The following SGCZ variants were observed in gnomAD, a reference collection of about 807,000 sequenced individuals.
SGCZ encodes zeta-sarcoglycan.
SGCZ carries 40 observed loss-of-function variants against 41.3 expected under a neutral mutation model. The ratio of observed to expected loss-of-function variants is 0.97; its 90% CI spans 0.75 to 1.26. SGCZ has a LOEUF of 1.26. Ranked by LOEUF, SGCZ falls within the 50% of genes most tolerant of loss-of-function variation. The pLI is 0.00. For missense variants in SGCZ, 552 were observed against 369.8 expected (o/e 1.49, Z -4.04); for synonymous variants, 206 against 137.5 (o/e 1.50, Z -3.49).
At chr8:14,311,390 T>C (rs1309521931) in intron 3 of SGCZ, among the ~76,000 whole-genome samples, 1 of 152,090 alleles carries the variant, frequency 6.6e-6, no homozygotes, top group Non-Finnish European at 1.5e-5. Context: ...CTGTCCCTGG[T>C]TTTCTGTTAT....
intron 1 of SGCZ, among the ~76,000 whole-genome samples, chr8:14,881,910 G>T (rs563501121): frequency 6.6e-6 from 1 of 152,188 alleles, no homozygotes; most frequent in Non-Finnish European, 1.5e-5. Context: ...TTAGAACTCA[G>T]GATTAAGAAA....
At chr8:15,020,455 G>C (rs1369467296) in intron 1 of SGCZ, among the ~76,000 whole-genome samples, 2 of 152,156 alleles carry the variant, frequency 1.3e-5, no homozygotes, top group Middle Eastern at 6.8e-3. Context: ...GGGGACATGG[G>C]TGCATATATA....
intron 4 of SGCZ, among the ~76,000 whole-genome samples, chr8:14,173,410 GT>G (rs1236678774): frequency 6.6e-6 from 1 of 151,846 alleles, no homozygotes; most frequent in Non-Finnish European, 1.5e-5. Flanking sequence ...GATTTTAAAT[GT>G]AAGAAAAAAG....
intron 1 of SGCZ, among the ~76,000 whole-genome samples, chr8:15,032,130 G>C (rs933938908): frequency 6.6e-6 from 1 of 151,962 alleles, no homozygotes; most frequent in Non-Finnish European, 1.5e-5. Flanking sequence ...CATATATTTG[G>C]TATTGTCTTC....
At chr8:15,040,574 C>G (rs1295940027) in intron 1 of SGCZ, among the ~76,000 whole-genome samples, 1 of 152,106 alleles carries the variant, frequency 6.6e-6, no homozygotes, top group African/African-American at 2.4e-5. Context: ...TGAGCCGAGA[C>G]TGCACCATTG....
chr8:14,270,464 C>T (rs920687351), intron 3 of SGCZ, among the ~76,000 whole-genome samples: 10 of 152,124 alleles, frequency 6.6e-5, no homozygotes, highest in East Asian at 1.9e-4. Context: ...TGAACCGATA[C>T]GGCTTCAGTT....
chr8:15,033,218 AG>A (rs1276935191), intron 1 of SGCZ, among the ~76,000 whole-genome samples: 2 of 151,980 alleles, frequency 1.3e-5, no homozygotes, highest in Non-Finnish European at 2.9e-5. Flanking sequence ...CCTAGGAATC[AG>A]GCCAGCCCTC....
At chr8:14,366,790 T>G (rs528869098) in intron 2 of SGCZ, among the ~76,000 whole-genome samples, 2 of 152,238 alleles carry the variant, frequency 1.3e-5, no homozygotes, top group South Asian at 4.1e-4. Context: ...CAGCCTGTAA[T>G]ATCAAAGGCA....
chr8:15,129,160 G>T (rs1807810006), intron 1 of SGCZ, among the ~76,000 whole-genome samples: 1 of 152,144 alleles, frequency 6.6e-6, no homozygotes, highest in African/African-American at 2.4e-5. Context: ...ACACTGGTCA[G>T]TGAGCTTTCT....
At position 15,109,296 on chromosome 8, in the gene SGCZ, A is replaced by G. The variant is rs115431635; in HGVS notation, c.39+128289T>C. 5.2e-3 allele frequency among the ~76,000 whole-genome samples: 794 copies of G among 152,268 alleles called. 7 individuals are homozygous for G. The highest frequency in any genetic ancestry group is 0.018 in the African/African-American group (761 of 41,554). On this transcript the variant is annotated intron_variant, in intron 1 of 7. Coordinates refer to ENST00000382080, the MANE Select transcript of SGCZ (RefSeq NM_139167.4). ...ATTTTCTGCTAATGAATCATGACAT[A>G]TAATTCATAAGCAACTTACAAATCA...
chr8:14,363,798 TTTATC>T (rs754505237), intron 2 of SGCZ, among the ~76,000 whole-genome samples: 38 of 152,306 alleles, frequency 2.5e-4, no homozygotes, highest in South Asian at 8.3e-4. Context: ...AACATTCAGA[TTTATC>T]TAACACTCTC....
At chr8:15,048,258 A>G (rs953537749) in intron 1 of SGCZ, among the ~76,000 whole-genome samples, 1 of 152,186 alleles carries the variant, frequency 6.6e-6, no homozygotes, top group South Asian at 2.1e-4. Flanking sequence ...GTTCTTAGCC[A>G]TATGTGGGAG....
At chr8:15,226,351 G>C (rs1468463428) in intron 1 of SGCZ, among the ~76,000 whole-genome samples, 1 of 152,168 alleles carries the variant, frequency 6.6e-6, no homozygotes, top group African/African-American at 2.4e-5. Flanking sequence ...AGATTGTTAA[G>C]CATAACTCAT....
chr8:15,169,665 G>C (rs935627656), intron 1 of SGCZ, among the ~76,000 whole-genome samples: 5 of 152,166 alleles, frequency 3.3e-5, no homozygotes, highest in Non-Finnish European at 1.5e-5. Context: ...TCTGGGATCA[G>C]CTTTTCTTGA....
At chr8:14,324,751 A>C (rs1436244597) in intron 2 of SGCZ, among the ~76,000 whole-genome samples, 1 of 152,160 alleles carries the variant, frequency 6.6e-6, no homozygotes, top group Non-Finnish European at 1.5e-5. Flanking sequence ...AGAAGGATAA[A>C]ACAGGTACAC....
chr8:14,139,829 A>G (rs1368492872), intron 5 of SGCZ, among the ~76,000 whole-genome samples: 1 of 152,212 alleles, frequency 6.6e-6, no homozygotes, highest in Non-Finnish European at 1.5e-5. Flanking sequence ...TCCCTAACTC[A>G]TGTTATGAGG....
intron 2 of SGCZ, among the ~76,000 whole-genome samples, chr8:14,551,480 T>TAATATATAATATATATAA (rs773471657): frequency 7.1e-5 from 1 of 14,106 alleles, no homozygotes; most frequent in Non-Finnish European, 1.2e-4. Context: ...ATATTATATA[T>TAATATATAATATATATAA]TATATATATT....
At chr8:14,180,216 C>T (rs565745725) in intron 4 of SGCZ, among the ~76,000 whole-genome samples, 17 of 152,174 alleles carry the variant, frequency 1.1e-4, no homozygotes, top group Admixed American at 2.6e-4. Flanking sequence ...AGGGTGAGGG[C>T]GAGTTGAAGG....
At chr8:14,228,374 C>A (rs1008823941) in intron 4 of SGCZ, among the ~76,000 whole-genome samples, 1 of 152,030 alleles carries the variant, frequency 6.6e-6, no homozygotes, top group Admixed American at 6.6e-5. Context: ...TTTAAAGCCA[C>A]TCCTTTCTTA....
Sources: gnomAD v4.1 joint callset for allele counts (sites outside exome capture counted in the v4.1 genomes callset) on GRCh38, gnomAD v4.1.1 for gene constraint, MANE v1.5 for transcripts, NCBI Gene and HGNC (gene_info 2026-07-23, HGNC 2026-07-21) for gene names.